Variants in ZNF714 observed in about 807,000 individuals in gnomAD.
ZNF714 encodes zinc finger protein 714.
Under a neutral mutation model 46.2 loss-of-function variants are expected in ZNF714, and 32 were observed. The ratio of observed to expected loss-of-function variants is 0.69; its 90% CI spans 0.52 to 0.93. ZNF714 has a LOEUF of 0.93. Ranked by LOEUF, ZNF714 falls within the 40% of genes least tolerant of loss-of-function variation. The pLI is 0.00. For synonymous variants in ZNF714, 199 were observed against 213.1 expected (o/e 0.93, Z 0.58); for missense variants, 635 against 646.3 (o/e 0.98, Z 0.19).
intron 2 of ZNF714, among the ~76,000 whole-genome samples, chr19:21,092,794 C>A (rs1370289191): frequency 6.6e-6 from 1 of 150,454 alleles, no homozygotes; most frequent in African/African-American, 2.4e-5. Context: ...TCCATGTGTT[C>A]TTATTATTTA....
At chr19:21,100,275 G>A (rs1362819344) in intron 4 of ZNF714, among the ~76,000 whole-genome samples, 1 of 151,974 alleles carries the variant, frequency 6.6e-6, no homozygotes, top group African/African-American at 2.4e-5. Flanking sequence ...TGTAATCCCA[G>A]CTCTTTGGGA....
rs796357016 is a variant in ZNF714 at position 21,120,355 on chromosome 19, T to C, written c.*2023T>C. ...CTGCTCCTGGCAAGAGATTCTTTTTTATTAGGTGGGCATTATTTGTGATCT... is the reference window on the plus strand; with the variant it reads ...CTGCTCCTGGCAAGAGATTCTTTTTCATTAGGTGGGCATTATTTGTGATCT... On this transcript the variant is annotated 3_prime_UTR_variant, in exon 5 of 5. Coordinates refer to ENST00000456283, the MANE Select transcript of ZNF714 (RefSeq NM_182515.4). 2 of 152,308 alleles carry C rather than the reference T, an allele frequency of 1.3e-5. No homozygotes were observed. Among genetic ancestry groups the C allele is most frequent in the African/African-American group, 4.8e-5 (2 of 41,570 alleles). 9.4% of individuals were successfully genotyped at this position (152,308 alleles called of 1,614,324 possible).
chr19:21,116,915 A>T lies in ZNF714; in HGVS notation c.251A>T (p.Gln84Leu). The change falls in exon 5 of 5, where the codon CAG (glutamine) becomes CTG (leucine). Residue 84 changes from glutamine (Q) to leucine (L), a missense_variant. By Grantham distance (113) the Gln-to-Leu change is moderately radical. Coordinates refer to ENST00000456283, the MANE Select transcript of ZNF714 (RefSeq NM_182515.4). ...RHGKCEHENLQLRKGSANVVE... is the reference protein window; with the variant it reads ...RHGKCEHENLLLRKGSANVVE... ...GGCAAATGTGAACATGAGAATTTAC[A>T]GTTAAGAAAAGGCTCCGCAAATGTG... 1 of 1,613,976 alleles carries T rather than the reference A, an allele frequency of 6.2e-7. No individual in the cohort carries two copies. The highest frequency in any genetic ancestry group is 1.7e-4 in the Middle Eastern group (1 of 6,060).
At position 21,118,012 on chromosome 19, in the gene ZNF714, G is replaced by C. The variant is rs552158547; in HGVS notation, c.1348G>C (p.Glu450Gln). The change falls in exon 5 of 5, where the codon GAG becomes CAG. Residue 450 changes from glutamate to glutamine, a missense_variant. Glu to Gln is a conservative substitution (Grantham distance 29). Transcript: ENST00000456283. ...LTTHKRIHTGEKPYKCEECGK... is the reference protein window; with the variant it reads ...LTTHKRIHTGQKPYKCEECGK... The stretch of plus-strand genomic sequence containing the variant: ...TACACATAAGAGAATTCACACTGGA[G>C]AGAAACCCTACAAATGTGAAGAATG... The C allele has an allele frequency of 6.2e-7, 1 of 1,613,738 alleles. No individual in the cohort carries two copies. Among genetic ancestry groups the C allele is most frequent in the African/African-American group, 1.3e-5 (1 of 74,996 alleles).
chr19:21,090,811 A>C (rs1477865534), intron 2 of ZNF714: 2 of 150,534 alleles, frequency 1.3e-5, no homozygotes, highest in Non-Finnish European at 3.0e-5. Flanking sequence ...TGATGGTTGC[A>C]CATTTTTATG....
chr19:21,089,594 A>G (rs1352199957), intron 2 of ZNF714, among the ~76,000 whole-genome samples: 2 of 152,220 alleles, frequency 1.3e-5, no homozygotes, highest in African/African-American at 2.4e-5. Flanking sequence ...AGAAAGTACT[A>G]TCATGTGGTC....
At position 21,121,069 on chromosome 19, in the gene ZNF714, G is replaced by C. The variant is rs548370136; in HGVS notation, c.*2737G>C. The C allele has an allele frequency of 6.6e-6, 1 of 152,162 alleles. No individual in the cohort carries two copies. The highest frequency in any genetic ancestry group is 2.4e-5 in the African/African-American group (1 of 41,504). The allele number at this position is 152,162 out of a possible 1,614,324, so 9.4% of individuals were successfully genotyped here. ...CTTGTTGTTGTTGAGACGGAGTCTC[G>C]CTCTGTCGCCCAGGCTGGAGTGTGC... On this transcript the variant is annotated 3_prime_UTR_variant, in exon 5 of 5. Coordinates refer to ENST00000456283, the MANE Select transcript of ZNF714 (RefSeq NM_182515.4).
At chr19:21,107,276 G>A (rs1446037399) in intron 4 of ZNF714, among the ~76,000 whole-genome samples, 1 of 148,800 alleles carries the variant, frequency 6.7e-6, no homozygotes, top group Non-Finnish European at 1.5e-5. Context: ...TTTCGCTCTT[G>A]TTGCCCAGGC....
intron 2 of ZNF714, among the ~76,000 whole-genome samples, chr19:21,085,103 C>G (rs1968745804): frequency 6.6e-6 from 1 of 151,984 alleles, no homozygotes; most frequent in African/African-American, 2.4e-5. Context: ...AATTTCAAGG[C>G]TCAGCTTTTA....
intron 4 of ZNF714, among the ~76,000 whole-genome samples, chr19:21,103,510 G>A (rs1019915695): frequency 6.6e-5 from 10 of 152,080 alleles, no homozygotes; most frequent in Admixed American, 5.2e-4. Context: ...CCGAGATCAC[G>A]CCACTGCACT....
chr19:21,105,552 C>G (rs1252319438), intron 4 of ZNF714, among the ~76,000 whole-genome samples: 1 of 152,036 alleles, frequency 6.6e-6, no homozygotes, highest in Non-Finnish European at 1.5e-5. Context: ...AATGTCGTAT[C>G]TTAGGAAATG....
Position 21,083,994 on chromosome 19 carries a change from G to C in ZNF714, c.-160G>C, listed in dbSNP as rs1300890457. 24 of 1,290,228 alleles carry C rather than the reference G, an allele frequency of 1.9e-5. No individual in the cohort carries two copies. Among genetic ancestry groups the C allele is most frequent in the Non-Finnish European group, 2.3e-5 (23 of 990,930 alleles). 79.9% of individuals were successfully genotyped at this position (1,290,228 alleles called of 1,614,324 possible). ...CTTCCATAGGGCGACCTGAGGTCTGGAGTGTATCCTCTCAAGGGAGCAAGT... is the reference window on the plus strand; with the variant it reads ...CTTCCATAGGGCGACCTGAGGTCTGCAGTGTATCCTCTCAAGGGAGCAAGT... On this transcript the variant is annotated 5_prime_UTR_variant, in exon 2 of 5. Transcript: ENST00000456283.
In ZNF714 at chr19:21,124,763, A is replaced by G. The variant is rs1241134524; in HGVS notation, c.*6431A>G. ...GACTTTCCAAACCCCCATTTCTTCTAAATACCTTGGCATCTGATGGTCACC... is the reference window on the plus strand; with the variant it reads ...GACTTTCCAAACCCCCATTTCTTCTGAATACCTTGGCATCTGATGGTCACC... On this transcript the variant is annotated 3_prime_UTR_variant, in exon 5 of 5. Coordinates refer to ENST00000456283, the MANE Select transcript of ZNF714 (RefSeq NM_182515.4). Among the ~76,000 whole-genome samples the G allele has an allele frequency of 6.6e-6, 1 of 152,006 alleles. No individual in the cohort carries two copies. Among genetic ancestry groups the G allele is most frequent in the Non-Finnish European group, 1.5e-5 (1 of 67,992 alleles).
intron 2 of ZNF714, among the ~76,000 whole-genome samples, chr19:21,086,000 C>G (rs1473701943): frequency 6.6e-6 from 1 of 151,612 alleles, no homozygotes; most frequent in African/African-American, 2.4e-5. Flanking sequence ...GAGCAGCAAA[C>G]AAGATTAGAA....
At chr19:21,103,970 T>A in intron 4 of ZNF714, among the ~76,000 whole-genome samples, 1 of 148,002 alleles carries the variant, frequency 6.8e-6, no homozygotes, top group South Asian at 2.1e-4. Flanking sequence ...ATTTTACATC[T>A]TGTGAAACTA....
rs929358438 is a variant in ZNF714 at position 21,124,408 on chromosome 19, C to T, written c.*6076C>T. 4.6e-5 allele frequency among the ~76,000 whole-genome samples: 7 copies of T among 152,076 alleles called. No homozygotes were observed. Among genetic ancestry groups the T allele is most frequent in the Non-Finnish European group, 1.0e-4 (7 of 68,018 alleles). ...GACTAAAAAATTAAATGACAATAGTCCCCAAACTATGTATTTTCATACTAT... is the reference window on the plus strand; with the variant it reads ...GACTAAAAAATTAAATGACAATAGTTCCCAAACTATGTATTTTCATACTAT... On this transcript the variant is annotated 3_prime_UTR_variant, in exon 5 of 5. Coordinates refer to ENST00000456283, the MANE Select transcript of ZNF714 (RefSeq NM_182515.4).
intron 2 of ZNF714, among the ~76,000 whole-genome samples, chr19:21,092,978 C>T (rs566646956): frequency 2.2e-3 from 302 of 140,446 alleles, no homozygotes; most frequent in South Asian, 0.016. Flanking sequence ...GGTGCGATCT[C>T]GGCTCACTGC....
rs764555003 is a variant in ZNF714 at position 21,118,001 on chromosome 19, T to C, written c.1337T>C (p.Ile446Thr). 1 of 1,613,714 alleles carries C rather than the reference T, an allele frequency of 6.2e-7. No homozygotes were observed. Among genetic ancestry groups the C allele is most frequent in the Non-Finnish European group, 8.5e-7 (1 of 1,179,982 alleles). Residue 446 changes from isoleucine (I) to threonine (T), a missense_variant, in exon 5 of 5, where the codon ATT becomes ACT. Physicochemically the swap from Ile to Thr is moderately conservative, Grantham distance 89. Transcript: ENST00000456283. ...TCAAACCTTACTACACATAAGAGAATTCACACTGGAGAGAAACCCTACAAA... is the reference window on the plus strand; with the variant it reads ...TCAAACCTTACTACACATAAGAGAACTCACACTGGAGAGAAACCCTACAAA... Reference protein sequence around the residue: ...RSSNLTTHKRIHTGEKPYKCE... With the variant: ...RSSNLTTHKRTHTGEKPYKCE...
At chr19:21,109,928 TC>T (rs1969412437) in intron 4 of ZNF714, among the ~76,000 whole-genome samples, 1 of 152,210 alleles carries the variant, frequency 6.6e-6, no homozygotes, top group African/African-American at 2.4e-5. Flanking sequence ...ATGATGTTGT[TC>T]CTTTTTTATG....
Sources: allele counts gnomAD v4.1 joint callset (sites outside exome capture counted in the v4.1 genomes callset), GRCh38; gene constraint gnomAD v4.1.1; transcripts MANE v1.5; gene names NCBI Gene and HGNC (gene_info 2026-07-23, HGNC 2026-07-21).